TDRP: variants seen among roughly 807,000 people sequenced by gnomAD.
TDRP encodes the protein testis development related protein, also known as testis development-related protein.
Under a neutral mutation model 10.5 loss-of-function variants are expected in TDRP, and 12 were observed. The observed-to-expected ratio is 1.15, with a 90% CI of 0.73 to 1.86. The LOEUF is 1.86. Among genes scored for constraint, TDRP ranks in the 40% most tolerant of loss-of-function variants. The pLI, the probability that TDRP is intolerant of heterozygous loss-of-function variation, is 0.00. For missense variants in TDRP, 353 were observed against 229.2 expected (o/e 1.54, Z -3.49); for synonymous variants, 139 against 95.4 (o/e 1.46, Z -2.67).
At chr8:516,746 A>G (rs56121444) in intron 1 of TDRP, among the ~76,000 whole-genome samples, 31,006 of 152,132 alleles carry the variant, frequency 0.2, 3,215 homozygotes, top group South Asian at 0.28. Flanking sequence ...TCACGGTTCT[A>G]TTTATCCAAA....
At chr8:541,238 T>C (rs1802488384) in intron 1 of TDRP, among the ~76,000 whole-genome samples, 1 of 152,232 alleles carries the variant, frequency 6.6e-6, no homozygotes, top group Non-Finnish European at 1.5e-5. Context: ...ACAAATTTTC[T>C]CTATTTTTAT....
At position 517,771 on chromosome 8, in the gene TDRP, T is replaced by C. The variant is rs185034342; in HGVS notation, c.109-23174A>G. ...GCTATACAGCAAAATTGTCATTGTG[T>C]CTCAGAATAAATCTATTCAAATATT... is the stretch of plus-strand genomic sequence containing the variant. On this transcript the variant is annotated intron_variant, in intron 1 of 2. Coordinates refer to ENST00000324079, the MANE Select transcript of TDRP (RefSeq NM_001384899.1). Among the ~76,000 whole-genome samples the C allele has an allele frequency of 4.1e-3, 619 of 152,364 alleles. 4 individuals are homozygous for C. Among genetic ancestry groups the C allele is most frequent in the African/African-American group, 0.014 (563 of 41,582 alleles).
intron 1 of TDRP, among the ~76,000 whole-genome samples, chr8:496,825 T>G (rs1801149912): frequency 6.6e-6 from 1 of 152,210 alleles, no homozygotes; most frequent in South Asian, 2.1e-4. Flanking sequence ...TTCCTCTTGG[T>G]GTTCTCATGA....
intron 1 of TDRP, among the ~76,000 whole-genome samples, chr8:495,982 C>G (rs962722349): frequency 2.0e-5 from 3 of 152,194 alleles, no homozygotes; most frequent in Non-Finnish European, 4.4e-5. Flanking sequence ...GACAGGCCCT[C>G]CAACAGTTGT....
chr8:524,770 G>A (rs138214362), intron 1 of TDRP, among the ~76,000 whole-genome samples: 34 of 152,274 alleles, frequency 2.2e-4, no homozygotes, highest in African/African-American at 7.7e-4. Flanking sequence ...GAGGAGACAT[G>A]AGACAAAAGA....
At chr8:521,126 G>A (rs1428357686) in intron 1 of TDRP, among the ~76,000 whole-genome samples, 3 of 151,726 alleles carry the variant, frequency 2.0e-5, no homozygotes, top group Admixed American at 2.0e-4. Flanking sequence ...ACTTTGGCAG[G>A]GAGCAGCAGC....
intron 1 of TDRP, among the ~76,000 whole-genome samples, chr8:510,471 T>C (rs1801585334): frequency 6.6e-6 from 1 of 152,168 alleles, no homozygotes; most frequent in Non-Finnish European, 1.5e-5. Flanking sequence ...GAGATAATCT[T>C]GAAAGCTACA....
rs539649546 is a variant in TDRP, at chr8:541,557, C to T, written c.108+3093G>A. The stretch of plus-strand genomic sequence containing the variant: ...CATACAAAGAACTCTTAAAACTCAA[C>T]AATGAGAAATCAAACCACCTAATTA... On this transcript the variant is annotated intron_variant, in intron 1 of 2. Transcript: ENST00000324079. 2.6e-5 allele frequency among the ~76,000 whole-genome samples: 4 copies of T among 152,274 alleles called. No homozygotes were observed. The East Asian group carries it at 7.7e-4, about 29-fold the overall frequency.
At chr8:512,618 C>T (rs1801649425) in intron 1 of TDRP, among the ~76,000 whole-genome samples, 1 of 151,002 alleles carries the variant, frequency 6.6e-6, no homozygotes, top group Non-Finnish European at 1.5e-5. Context: ...GGACAGATTC[C>T]CACAAAGACA....
At chr8:497,648 A>C (rs547375382) in intron 1 of TDRP, among the ~76,000 whole-genome samples, 2 of 152,226 alleles carry the variant, frequency 1.3e-5, no homozygotes, top group Admixed American at 6.5e-5. Flanking sequence ...AGCTGCAAAA[A>C]TTTGCATAAG....
intron 1 of TDRP, among the ~76,000 whole-genome samples, chr8:530,318 C>A (rs1055495121): frequency 6.6e-6 from 1 of 152,106 alleles, no homozygotes; most frequent in Non-Finnish European, 1.5e-5. Flanking sequence ...ATTTTGAATT[C>A]TTTGTCAGAT....
intron 1 of TDRP, among the ~76,000 whole-genome samples, chr8:518,028 T>C (rs990043032): frequency 2.0e-5 from 3 of 152,196 alleles, no homozygotes; most frequent in Non-Finnish European, 2.9e-5. Flanking sequence ...GGCCTGATGC[T>C]ACACTGGTGG....
In TDRP at chr8:533,012, G is replaced by C. The variant is rs577371167; in HGVS notation, c.108+11638C>G. Among the ~76,000 whole-genome samples the C allele has an allele frequency of 1.4e-3, 211 of 152,276 alleles. 1 individual carries two copies. Among genetic ancestry groups the C allele is most frequent in the Middle Eastern group, 3.4e-3 (1 of 294 alleles). On this transcript the variant is annotated intron_variant, in intron 1 of 2. Coordinates refer to ENST00000324079, the MANE Select transcript of TDRP (RefSeq NM_001384899.1). ...TTACTTAAAACAGGAAGTCTGGAGA[G>C]AGGAACTCATTTGCCCCAAAGTCCC...
At chr8:517,327 A>T (rs1419000529) in intron 1 of TDRP, among the ~76,000 whole-genome samples, 2 of 152,198 alleles carry the variant, frequency 1.3e-5, no homozygotes, top group African/African-American at 4.8e-5. Context: ...GAGAATTTAC[A>T]TTCTATGGGG....
chr8:525,847 G>A lies in TDRP; in HGVS notation c.108+18803C>T, dbSNP rs188859773. 4.3e-4 allele frequency among the ~76,000 whole-genome samples: 65 copies of A among 152,298 alleles called. 1 individual carries two copies. Among genetic ancestry groups the A allele is most frequent in the Middle Eastern group, 6.8e-3 (2 of 294 alleles). ...TCAATAACACTGAATGTAAATGGACGAAACTCTCCAATCAGTTTGAGTACA... is the reference window on the plus strand; with the variant it reads ...TCAATAACACTGAATGTAAATGGACAAAACTCTCCAATCAGTTTGAGTACA... On this transcript the variant is annotated intron_variant, in intron 1 of 2. Transcript: ENST00000324079.
In TDRP at chr8:492,365, A is replaced by C; in HGVS notation, c.*34T>G. 1 of 1,463,094 alleles carries C rather than the reference A, an allele frequency of 6.8e-7. No individual in the cohort carries two copies. Among genetic ancestry groups the C allele is most frequent in the South Asian group, 1.5e-5 (1 of 66,878 alleles). 90.6% of individuals were successfully genotyped at this position (1,463,094 alleles called of 1,614,324 possible). ...CTACATGGTATACTCATAAAAGGCC[A>C]CCATGTCGGGGCACACTTGCCACGC... On this transcript the variant is annotated 3_prime_UTR_variant, in exon 3 of 3. Coordinates refer to ENST00000324079, the MANE Select transcript of TDRP (RefSeq NM_001384899.1).
At chr8:493,727 G>C (rs568757662) in intron 2 of TDRP, among the ~76,000 whole-genome samples, 12 of 152,226 alleles carry the variant, frequency 7.9e-5, no homozygotes, top group East Asian at 3.9e-4. Context: ...ATCTTTTACA[G>C]TTTACCAGTC....
intron 1 of TDRP, among the ~76,000 whole-genome samples, chr8:513,223 T>G (rs960884738): frequency 6.6e-6 from 1 of 151,592 alleles, no homozygotes; most frequent in African/African-American, 2.4e-5. Flanking sequence ...AATTATAGAC[T>G]AGTATCTCTT....
chr8:544,848 G>A (rs1802596460), upstream of TDRP: 3 of 974,940 alleles, frequency 3.1e-6, no homozygotes. Context: ...TGCGGCTCCT[G>A]CGGGACGCGG....
Sources: allele counts gnomAD v4.1 joint callset (sites outside exome capture counted in the v4.1 genomes callset), GRCh38; gene constraint gnomAD v4.1.1; transcripts MANE v1.5; gene names NCBI Gene and HGNC (gene_info 2026-07-23, HGNC 2026-07-21).